ELAVL4: variants seen among roughly 807,000 people sequenced by gnomAD.
The protein encoded by ELAVL4 is ELAV like RNA binding protein 4.
ELAVL4 carries 1 observed loss-of-function variant against 35.6 expected under a neutral mutation model. The ratio of observed to expected loss-of-function variants is 0.03; its 90% CI spans 0.01 to 0.13. ELAVL4 has a LOEUF of 0.13. Ranked by LOEUF, ELAVL4 falls within the 10% of genes least tolerant of loss-of-function variation. The pLI, the probability that ELAVL4 is intolerant of heterozygous loss-of-function variation, is 1.00. For missense variants in ELAVL4, 267 were observed against 464.9 expected, an observed-to-expected ratio of 0.57 and a Z score of 3.91; for synonymous variants, 156 against 171.0, an observed-to-expected ratio of 0.91 and a Z score of 0.69.
intron 1 of ELAVL4, among the ~76,000 whole-genome samples, chr1:50,133,625 AAGAAAGAAAGAAAGAAAGAAAGAAAG>A (rs1040325910): frequency 3.6e-4 from 55 of 151,012 alleles, no homozygotes; most frequent in Admixed American, 6.6e-4. Flanking sequence ...GAAAGAAAGA[AAGAAAGAAAGAAAGAAAGAAAGAAAG>A]AGAAAGAAAG....
intron 1 of ELAVL4, among the ~76,000 whole-genome samples, chr1:50,075,931 G>A (rs1413468151): frequency 1.3e-5 from 2 of 151,988 alleles, no homozygotes; most frequent in Non-Finnish European, 2.9e-5. Context: ...GGGTTCAAGC[G>A]ATTCTCATGC....
chr1:50,195,566 T>C lies in ELAVL4; in HGVS notation c.514T>C (p.Ser172Pro). The C allele has an allele frequency of 6.2e-7, 1 of 1,614,070 alleles. No homozygotes were observed. The part of the protein sequence containing the change: ...RILVDQVTGV[S>P]RGVGFIRFDK... ...GGCTCTTTCTCTTTCCCCAGGAGTG[T>C]CCAGAGGGGTGGGATTCATCCGCTT... The change falls in exon 5 of 7, where the codon TCC becomes CCC. Residue 172 changes from serine (S) to proline (P), a missense_variant. Physicochemically the swap from Ser to Pro is moderately conservative, Grantham distance 74 (BLOSUM62 -1). Around this residue, in one of 2 missense-constraint regions of ELAVL4, gnomAD observed 216 missense variants for 409.5 expected, o/e 0.53. Coordinates refer to ENST00000371824, the MANE Select transcript of ELAVL4 (RefSeq NM_001144774.3).
chr1:50,056,860 A>C (rs1663702684), intron 1 of ELAVL4, among the ~76,000 whole-genome samples: 1 of 151,490 alleles, frequency 6.6e-6, no homozygotes, highest in Non-Finnish European at 1.5e-5. Flanking sequence ...TGAACCCGGG[A>C]GGCAGAGCTT....
intron 2 of ELAVL4, among the ~76,000 whole-genome samples, chr1:50,152,431 C>CA (rs146210809): frequency 1.1e-4 from 16 of 152,060 alleles, no homozygotes; most frequent in Non-Finnish European, 2.2e-4. Flanking sequence ...CACACACACA[C>CA]CCACACATTC....
upstream of ELAVL4, among the ~76,000 whole-genome samples, chr1:50,103,651 T>A (rs545304167): frequency 5.7e-4 from 87 of 152,310 alleles, 2 homozygotes; most frequent in South Asian, 0.017. Flanking sequence ...TCATAGTCAC[T>A]GATGACGCTA....
chr1:50,070,557 A>G (rs1664468064), intron 1 of ELAVL4, among the ~76,000 whole-genome samples: 1 of 152,154 alleles, frequency 6.6e-6, no homozygotes, highest in Admixed American at 6.5e-5. Flanking sequence ...CCTGACCAAC[A>G]TGGTGAAACA....
chr1:50,145,003 A>G lies in ELAVL4; in HGVS notation c.56A>G (p.Asn19Ser), dbSNP rs770471086. The G allele has an allele frequency of 6.2e-6, 10 of 1,613,958 alleles. No individual in the cohort carries two copies. The highest frequency in any genetic ancestry group is 5.0e-5 in the Admixed American group (3 of 59,994). The stretch of plus-strand genomic sequence containing the variant: ...CAGGTGTCAAATGGTCCGACATCCA[A>G]TACAAGCAATGGACCCTCCAGCAAC... ...EPQVSNGPTS[N>S]TSNGPSSNNR... The change falls in exon 2 of 7, where the codon AAT (asparagine) becomes AGT (serine). Residue 19 changes from asparagine (N) to serine (S), a missense_variant. Coordinates refer to ENST00000371824, the MANE Select transcript of ELAVL4 (RefSeq NM_001144774.3).
chr1:50,189,652 G>C (rs1403097177), intron 3 of ELAVL4, among the ~76,000 whole-genome samples: 1 of 152,072 alleles, frequency 6.6e-6, no homozygotes, highest in Non-Finnish European at 1.5e-5. Context: ...AAATTGGAGG[G>C]TATGTCCCAA....
chr1:50,142,143 AG>A (rs1358610440), intron 1 of ELAVL4, among the ~76,000 whole-genome samples: 1 of 152,212 alleles, frequency 6.6e-6, no homozygotes, highest in Non-Finnish European at 1.5e-5. Context: ...TGAGGCTCAG[AG>A]TATTGAAGTA....
chr1:50,133,613 AAGAAAGAAAGAAAGAAAGAAAG>A (rs2148648344), intron 1 of ELAVL4, among the ~76,000 whole-genome samples: 1 of 144,058 alleles, frequency 6.9e-6, no homozygotes, highest in African/African-American at 2.5e-5. Flanking sequence ...GAAAGAAAGA[AAGAAAGAAAGAAAGAAAGAAAG>A]AAAGAAAGAA....
At chr1:50,110,313 C>T (rs1416670871) in intron 1 of ELAVL4, among the ~76,000 whole-genome samples, 1 of 152,018 alleles carries the variant, frequency 6.6e-6, no homozygotes, top group East Asian at 1.9e-4. Context: ...CGGAATTACA[C>T]GACTGCTAAA....
intron 1 of ELAVL4, chr1:50,144,750 T>A (rs1673390476): frequency 1.3e-6 from 1 of 786,872 alleles, no homozygotes; most frequent in Admixed American, 1.7e-5. Flanking sequence ...GTGTTCAAAA[T>A]CTATGGGCTG....
upstream of ELAVL4, chr1:50,104,136 A>G (rs1666134491): frequency 1.1e-6 from 1 of 879,014 alleles, no homozygotes; most frequent in East Asian, 2.6e-5. Context: ...TCCTTTGTGC[A>G]GCTTCATACA....
intron 1 of ELAVL4, chr1:50,109,612 C>T: frequency 4.8e-6 from 2 of 416,140 alleles, no homozygotes; most frequent in South Asian, 3.2e-5. Flanking sequence ...CTCTCAATTT[C>T]CGTGCTGGAA....
intron 2 of ELAVL4, among the ~76,000 whole-genome samples, chr1:50,176,501 G>A (rs1372798733): frequency 6.6e-6 from 1 of 152,156 alleles, no homozygotes; most frequent in East Asian, 1.9e-4. Flanking sequence ...TCCAGCACTT[G>A]CCTCAATTTT....
chr1:50,139,044 A>G (rs1672374454), intron 1 of ELAVL4, among the ~76,000 whole-genome samples: 1 of 152,216 alleles, frequency 6.6e-6, no homozygotes, highest in Non-Finnish European at 1.5e-5. Flanking sequence ...TTGAAAGAAT[A>G]TTTAAGTGTA....
At chr1:50,129,301 A>T (rs945856010) in intron 1 of ELAVL4, among the ~76,000 whole-genome samples, 1 of 152,044 alleles carries the variant, frequency 6.6e-6, no homozygotes, top group African/African-American at 2.4e-5. Flanking sequence ...GGAGCAGTCC[A>T]AGTGGAGGAT....
chr1:50,173,734 CA>C (rs1289032438), intron 2 of ELAVL4, among the ~76,000 whole-genome samples: 2 of 152,004 alleles, frequency 1.3e-5, no homozygotes, highest in Non-Finnish European at 2.9e-5. Flanking sequence ...AAATTGGGAA[CA>C]AAAATACAGC....
intron 1 of ELAVL4, among the ~76,000 whole-genome samples, chr1:50,085,513 A>T (rs983318107): frequency 1.4e-4 from 21 of 152,190 alleles, no homozygotes; most frequent in Admixed American, 1.1e-3. Flanking sequence ...ATCTTCTGAA[A>T]ACTTTATTTT....
Sources: allele counts gnomAD v4.1 joint callset (sites outside exome capture counted in the v4.1 genomes callset), GRCh38; gene constraint gnomAD v4.1.1; regional missense constraint gnomAD v4.1.1; transcripts MANE v1.5; gene names NCBI Gene and HGNC (gene_info 2026-07-23, HGNC 2026-07-21).